The following ATP10D variants were observed in gnomAD, a reference collection of about 807,000 sequenced individuals.
ATP10D encodes the protein phospholipid-transporting ATPase VD.
Under a neutral mutation model 144.8 loss-of-function variants are expected in ATP10D, and 89 were observed. The ratio of observed to expected loss-of-function variants is 0.61; its 90% CI spans 0.52 to 0.73. The LOEUF is 0.73. Among genes scored for constraint, ATP10D ranks in the 30% least tolerant of loss-of-function variants. The probability of loss-of-function intolerance (pLI) is 0.00; values close to 1 mark genes in which losing one functional copy is unlikely to be tolerated. For synonymous variants in ATP10D, 571 were observed against 615.1 expected (o/e 0.93, Z 1.06); for missense variants, 1,603 against 1,714.8 (o/e 0.93, Z 1.15).
intron 1 of ATP10D, among the ~76,000 whole-genome samples, chr4:47,497,721 CTA>C (rs1191308136): frequency 2.0e-5 from 3 of 152,138 alleles, no homozygotes; most frequent in Non-Finnish European, 4.4e-5. Context: ...AAAAGCCTAT[CTA>C]TATATGCATG....
rs568662009 is a variant in ATP10D at position 47,557,931 on chromosome 4, C to A, written c.2092C>A (p.Gln698Lys). The A allele has an allele frequency of 6.2e-7, 1 of 1,614,190 alleles. No homozygotes were observed. Among genetic ancestry groups the A allele is most frequent in the African/African-American group, 1.3e-5 (1 of 75,056 alleles). Reference sequence around the variant, plus strand: ...AGCTTGCTGCACAGAAACAGAGAAACAACACGGTGATGCAGGCCTCCTGAA... The same window carrying A: ...AGCTTGCTGCACAGAAACAGAGAAAAAACACGGTGATGCAGGCCTCCTGAA... ...SSACCTETEK[Q>K]HGDAGLLNGK... Residue 698 changes from glutamine to lysine, a missense_variant, in exon 12 of 23, where the codon CAA (glutamine) becomes AAA (lysine). Physicochemically the swap from Gln to Lys is moderately conservative, Grantham distance 53. Transcript: ENST00000273859.
intron 1 of ATP10D, among the ~76,000 whole-genome samples, chr4:47,498,683 A>C (rs1427291399): frequency 1.3e-5 from 2 of 152,200 alleles, no homozygotes; most frequent in Non-Finnish European, 2.9e-5. Flanking sequence ...AACCTGATTA[A>C]TGTTTGTTAA....
chr4:47,534,383 C>T (rs560709416), intron 5 of ATP10D, among the ~76,000 whole-genome samples: 2 of 152,264 alleles, frequency 1.3e-5, no homozygotes, highest in Non-Finnish European at 2.9e-5. Context: ...AACATGTATA[C>T]ACAGATACAT....
intron 4 of ATP10D, among the ~76,000 whole-genome samples, chr4:47,523,822 T>G (rs114551615): frequency 0.01 from 1,545 of 152,234 alleles, 33 homozygotes; most frequent in African/African-American, 0.034. Flanking sequence ...TATGTATTAT[T>G]TGAATTTCAC....
In ATP10D at chr4:47,512,590, G is replaced by A. The variant is rs1299699640; in HGVS notation, c.50G>A (p.Arg17Lys). 6.2e-7 allele frequency: 1 copy of A among 1,614,064 alleles called. No individual in the cohort carries two copies. Among genetic ancestry groups the A allele is most frequent in the Non-Finnish European group, 8.5e-7 (1 of 1,180,036 alleles). Reference sequence around the variant, plus strand: ...AGATATCACTGGCGACGGCTGATCAGAGGTGCAACCAGGGATGATGATTCA... The same window carrying A: ...AGATATCACTGGCGACGGCTGATCAAAGGTGCAACCAGGGATGATGATTCA... ...WARYHWRRLI[R>K]GATRDDDSGP... is the part of the protein sequence containing the mutation. Residue 17 changes from arginine (R) to lysine (K), a missense_variant, in exon 2 of 23, where the codon AGA (arginine) becomes AAA (lysine). By Grantham distance (26) the Arg-to-Lys change is conservative. Transcript: ENST00000273859.
At chr4:47,508,028 C>T (rs1012444823) in intron 1 of ATP10D, among the ~76,000 whole-genome samples, 1 of 152,152 alleles carries the variant, frequency 6.6e-6, no homozygotes, top group African/African-American at 2.4e-5. Flanking sequence ...TTCATAGACC[C>T]CATTCCAGAT....
At chr4:47,534,683 A>G (rs1203250436) in intron 5 of ATP10D, among the ~76,000 whole-genome samples, 1 of 152,184 alleles carries the variant, frequency 6.6e-6, no homozygotes, top group Non-Finnish European at 1.5e-5. Context: ...CAAGTCGAAA[A>G]TGATAATTTT....
chr4:47,591,513 A>G lies in ATP10D; in HGVS notation c.*132A>G. On this transcript the variant is annotated 3_prime_UTR_variant, in exon 23 of 23. Coordinates refer to ENST00000273859, the MANE Select transcript of ATP10D (RefSeq NM_020453.4). ...TTTTACTAGGCTTGGAAGAGCTGAC[A>G]TGATGAGCATTATTGTATGTTTGTA... The G allele has an allele frequency of 4.3e-6, 3 of 698,490 alleles. No individual in the cohort carries two copies. In the South Asian group the frequency reaches 6.0e-5, roughly 14 times the overall value. The allele number at this position is 698,490 out of a possible 1,614,324, so 43.3% of individuals were successfully genotyped here. A position where few individuals can be genotyped will look rare whatever the true frequency, so the allele number is the denominator to read the frequency against.
chr4:47,565,922 A>T (rs1188332233), intron 15 of ATP10D, among the ~76,000 whole-genome samples: 1 of 152,248 alleles, frequency 6.6e-6, no homozygotes, highest in Non-Finnish European at 1.5e-5. Context: ...TTTTCCAAAT[A>T]ACTAAACAGA....
chr4:47,560,925 C>T (rs1719263318), intron 13 of ATP10D, 24 bp from the exon 14 acceptor site: 1 of 1,613,628 alleles, frequency 6.2e-7, no homozygotes, highest in African/African-American at 1.3e-5. Flanking sequence ...TTGCTTCATA[C>T]CTCTCTTTTA....
At position 47,585,290 on chromosome 4, in the gene ATP10D, A is replaced by T. The variant is rs184965132; in HGVS notation, c.3754-1729A>T. 1.1e-4 allele frequency among the ~76,000 whole-genome samples: 16 copies of T among 152,092 alleles called. No individual in the cohort carries two copies. In the East Asian group the frequency reaches 2.5e-3, roughly 24 times the overall value. ...AAAAAACGCAATTATTTTTGCACCA[A>T]CCTCATACATTTAAAGTAGGCATAT... On this transcript the variant is annotated intron_variant, in intron 21 of 22. Coordinates refer to ENST00000273859, the MANE Select transcript of ATP10D (RefSeq NM_020453.4).
intron 5 of ATP10D, among the ~76,000 whole-genome samples, chr4:47,526,335 G>A (rs1052186062): frequency 1.3e-5 from 2 of 152,134 alleles, no homozygotes; most frequent in African/African-American, 4.8e-5. Flanking sequence ...GAAAAACTAG[G>A]TGGTCATCTC....
intron 3 of ATP10D, among the ~76,000 whole-genome samples, chr4:47,520,779 G>GA (rs1265961084): frequency 6.6e-6 from 1 of 152,194 alleles, no homozygotes; most frequent in East Asian, 1.9e-4. Context: ...ATATTGGTCA[G>GA]AATGGTCTCA....
At chr4:47,525,730 T>C in intron 5 of ATP10D, 88 bp downstream of exon 5, 3 of 1,114,614 alleles carry the variant, frequency 2.7e-6, no homozygotes, top group Admixed American at 2.0e-5. Flanking sequence ...TCTGTGCTTA[T>C]ACCCTTGTTA....
At chr4:47,525,170 G>A (rs191037985) in intron 4 of ATP10D, among the ~76,000 whole-genome samples, 5 of 151,908 alleles carry the variant, frequency 3.3e-5, no homozygotes, top group Admixed American at 2.0e-4. Context: ...ATATATTCTC[G>A]GAGTGTTCAC....
At chr4:47,572,825 C>T (rs745777728) in intron 17 of ATP10D, 47 bp from the exon 18 acceptor site, 4 of 1,612,944 alleles carry the variant, frequency 2.5e-6, no homozygotes, top group Non-Finnish European at 2.5e-6. Context: ...TCTGTTCTAA[C>T]ATGTTTGATC....
At chr4:47,522,066 A>G (rs572217973) in intron 3 of ATP10D, among the ~76,000 whole-genome samples, 7 of 152,188 alleles carry the variant, frequency 4.6e-5, no homozygotes, top group Non-Finnish European at 8.8e-5. Flanking sequence ...TTAGTTTTTT[A>G]TGGATATTTG....
chr4:47,563,262 A>T (rs571085957), intron 14 of ATP10D, among the ~76,000 whole-genome samples: 1 of 152,338 alleles, frequency 6.6e-6, no homozygotes, highest in African/African-American at 2.4e-5. Context: ...TGGGAATATC[A>T]TAGAATTATA....
intron 3 of ATP10D, among the ~76,000 whole-genome samples, chr4:47,516,916 T>C (rs1716718777): frequency 6.6e-6 from 1 of 152,212 alleles, no homozygotes; most frequent in African/African-American, 2.4e-5. Flanking sequence ...ATTTGAATGC[T>C]TATTATATAC....
Sources: gnomAD v4.1 joint callset for allele counts (sites outside exome capture counted in the v4.1 genomes callset) on GRCh38, gnomAD v4.1.1 for gene constraint, MANE v1.5 for transcripts, NCBI Gene and HGNC (gene_info 2026-07-23, HGNC 2026-07-21) for gene names.